The following SPAG16 variants were observed in gnomAD, a reference collection of about 807,000 sequenced individuals.
SPAG16 encodes sperm associated antigen 16, also known as sperm-associated antigen 16 protein.
Under a neutral mutation model 80.4 loss-of-function variants are expected in SPAG16, and 86 were observed. The observed-to-expected ratio is 1.07, with a 90% CI of 0.90 to 1.28. The LOEUF (loss-of-function observed/expected upper bound fraction) is 1.28, where lower values mean the gene tolerates loss of function less well. Ranked by LOEUF, SPAG16 falls within the 50% of genes most tolerant of loss-of-function variation. SPAG16 has a pLI of 0.00. For missense variants in SPAG16, 870 were observed against 765.3 expected, an observed-to-expected ratio of 1.14 and a Z score of -1.61; for synonymous variants, 294 against 265.9, an observed-to-expected ratio of 1.11 and a Z score of -1.03.
At chr2:213,724,588 GC>G (rs2125404227) in intron 10 of SPAG16, among the ~76,000 whole-genome samples, 1 of 151,796 alleles carries the variant, frequency 6.6e-6, no homozygotes, top group South Asian at 2.1e-4. Flanking sequence ...GACCATCCTG[GC>G]CAACATGGTG....
intron 15 of SPAG16, among the ~76,000 whole-genome samples, chr2:214,201,422 G>T (rs939793218): frequency 2.0e-5 from 3 of 152,174 alleles, no homozygotes; most frequent in African/African-American, 7.2e-5. Flanking sequence ...GCTTTCATAT[G>T]AATGAATTCA....
intron 9 of SPAG16, among the ~76,000 whole-genome samples, chr2:213,434,584 G>A (rs1387532708): frequency 6.6e-6 from 1 of 152,146 alleles, no homozygotes; most frequent in Admixed American, 6.5e-5. Context: ...ATAGGGGACT[G>A]ATATCCAGAA....
chr2:213,903,020 G>A (rs1422120989), intron 11 of SPAG16, among the ~76,000 whole-genome samples: 2 of 152,198 alleles, frequency 1.3e-5, no homozygotes, highest in Admixed American at 6.5e-5. Flanking sequence ...GATATAAGAG[G>A]TGGGTTCCCA....
In SPAG16 at chr2:214,385,546, T is replaced by C. The variant is rs369078733; in HGVS notation, c.1721-24594T>C. On this transcript the variant is annotated intron_variant, in intron 15 of 15. Coordinates refer to ENST00000331683, the MANE Select transcript of SPAG16 (RefSeq NM_024532.5). ...TTTTATTTTTAGGGTTATATCTTTG[T>C]TTTATTAAAACTCTAGGCCGGGCAC... Among the ~76,000 whole-genome samples, 14 of 152,270 alleles carry C rather than the reference T, an allele frequency of 9.2e-5. No individual in the cohort carries two copies. In the East Asian group the frequency reaches 2.1e-3, roughly 23 times the overall value.
chr2:213,938,606 AT>A (rs2079080664), intron 12 of SPAG16, among the ~76,000 whole-genome samples: 1 of 151,992 alleles, frequency 6.6e-6, no homozygotes, highest in Non-Finnish European at 1.5e-5. Context: ...AACAACCACT[AT>A]TATTATATCC....
At chr2:213,867,889 A>C (rs991215768) in intron 11 of SPAG16, among the ~76,000 whole-genome samples, 26 of 132,984 alleles carry the variant, frequency 2.0e-4, no homozygotes, top group Non-Finnish European at 4.7e-5. Flanking sequence ...GCGCCACTGC[A>C]CTCCAGCTTG....
chr2:213,524,248 TACAG>T (rs2075794845), intron 10 of SPAG16, among the ~76,000 whole-genome samples: 1 of 152,192 alleles, frequency 6.6e-6, no homozygotes, highest in Non-Finnish European at 1.5e-5. Flanking sequence ...CCTGCAGATG[TACAG>T]AAGACAAAAA....
chr2:214,037,897 G>GTC (rs2048793601), intron 13 of SPAG16, among the ~76,000 whole-genome samples: 2 of 150,726 alleles, frequency 1.3e-5, no homozygotes. Flanking sequence ...GTGTGTGTGT[G>GTC]TGTGTGTGTG....
chr2:213,838,097 T>G (rs1453338397), intron 10 of SPAG16, among the ~76,000 whole-genome samples: 3 of 152,124 alleles, frequency 2.0e-5, no homozygotes, highest in East Asian at 3.9e-4. Flanking sequence ...GGCATCATAT[T>G]CATGATCAGC....
chr2:213,346,566 C>A (rs572765499), intron 6 of SPAG16, among the ~76,000 whole-genome samples: 23 of 152,146 alleles, frequency 1.5e-4, no homozygotes, highest in African/African-American at 5.3e-4. Context: ...ATCAATACCT[C>A]ATTTATTGAG....
chr2:213,972,247 C>T (rs1312292512), intron 12 of SPAG16, among the ~76,000 whole-genome samples: 5 of 150,416 alleles, frequency 3.3e-5, no homozygotes, highest in Non-Finnish European at 7.4e-5. Flanking sequence ...AGAAAAAGAA[C>T]CCATAGGAGA....
chr2:214,265,250 C>A (rs535425347), intron 15 of SPAG16, among the ~76,000 whole-genome samples: 40 of 152,226 alleles, frequency 2.6e-4, no homozygotes, highest in African/African-American at 9.6e-4. Context: ...GTTGGCTCCA[C>A]ATTCTCACCA....
intron 10 of SPAG16, among the ~76,000 whole-genome samples, chr2:213,602,416 G>A (rs1213215270): frequency 2.0e-5 from 3 of 151,996 alleles, no homozygotes; most frequent in Non-Finnish European, 4.4e-5. Flanking sequence ...GGCAGATCAC[G>A]AGGTCAAGAG....
chr2:213,696,110 A>T (rs1361374239), intron 10 of SPAG16, among the ~76,000 whole-genome samples: 2 of 152,202 alleles, frequency 1.3e-5, no homozygotes, highest in Admixed American at 1.3e-4. Flanking sequence ...TTGCTGATCT[A>T]TGGATATGGA....
chr2:214,363,674 A>T (rs891619764), intron 15 of SPAG16, among the ~76,000 whole-genome samples: 2 of 152,012 alleles, frequency 1.3e-5, no homozygotes, highest in Admixed American at 6.6e-5. Context: ...GGGCATATGC[A>T]GGGGGGCTGA....
intron 10 of SPAG16, among the ~76,000 whole-genome samples, chr2:213,821,342 A>C: frequency 6.6e-6 from 1 of 152,270 alleles, no homozygotes; most frequent in East Asian, 1.9e-4. Flanking sequence ...AAAAGTTGAA[A>C]GCAAAATGAT....
At chr2:213,793,847 T>A (rs373071262) in intron 10 of SPAG16, among the ~76,000 whole-genome samples, 1 of 152,170 alleles carries the variant, frequency 6.6e-6, no homozygotes, top group African/African-American at 2.4e-5. Flanking sequence ...GTATCCATTA[T>A]CTACCTATAT....
At chr2:213,301,418 A>G (rs1194391583) in intron 3 of SPAG16, among the ~76,000 whole-genome samples, 1 of 152,206 alleles carries the variant, frequency 6.6e-6, no homozygotes, top group African/African-American at 2.4e-5. Flanking sequence ...TCACTGGTCA[A>G]CTAAAGTTGT....
chr2:214,075,540 AT>A (rs1182593372), intron 13 of SPAG16, among the ~76,000 whole-genome samples: 2 of 152,162 alleles, frequency 1.3e-5, no homozygotes, highest in Admixed American at 1.3e-4. Context: ...AACGCTTGTG[AT>A]TTCAGCACTT....
Sources: gnomAD v4.1 joint callset for allele counts (sites outside exome capture counted in the v4.1 genomes callset) on GRCh38, gnomAD v4.1.1 for gene constraint, MANE v1.5 for transcripts, NCBI Gene and HGNC (gene_info 2026-07-23, HGNC 2026-07-21) for gene names.